BRD9: variants seen among roughly 807,000 people sequenced by gnomAD.
BRD9 encodes the protein bromodomain-containing protein 9.
In BRD9, 47 loss-of-function variants were observed where a neutral mutation model predicts 68.7. That is an observed-to-expected ratio of 0.68 (90% CI 0.54 to 0.87). The LOEUF is 0.87. Ranked by LOEUF, BRD9 falls within the 40% of genes least tolerant of loss-of-function variation. The pLI is 0.00. For missense variants in BRD9, 670 were observed against 748.4 expected (o/e 0.90, Z 1.22); for synonymous variants, 313 against 293.9 (o/e 1.06, Z -0.67).
intron 5 of BRD9, chr5:888,483 C>G (rs1255269200): frequency 6.6e-6 from 1 of 152,298 alleles, no homozygotes; most frequent in Non-Finnish European, 1.5e-5. Flanking sequence ...TAATGCCTTT[C>G]TAAACTACAC....
At position 868,566 on chromosome 5, in the gene BRD9, A is replaced by G. The variant is rs1009242652; in HGVS notation, c.1525+1907T>C. 1.3e-5 allele frequency: 2 copies of G among 152,230 alleles called. 1 individual carries two copies. The highest frequency in any genetic ancestry group is 4.1e-4 in the South Asian group (2 of 4,832). The allele number at this position is 152,230 out of a possible 1,614,324, so 9.4% of individuals were successfully genotyped here. On this transcript the variant is annotated intron_variant, in intron 14 of 15. Coordinates refer to ENST00000467963, the MANE Select transcript of BRD9 (RefSeq NM_023924.5). Reference sequence around the variant, plus strand: ...CAACAGGAGCAGAGTGGTTTATGCTAAAGTTCACCTTCCCTCCGGGGTCTG... The same window carrying G: ...CAACAGGAGCAGAGTGGTTTATGCTGAAGTTCACCTTCCCTCCGGGGTCTG...
intron 1 of BRD9, chr5:892,314 A>G: frequency 1.7e-6 from 1 of 594,562 alleles, no homozygotes; most frequent in Non-Finnish European, 2.7e-6. Context: ...CTTCTCCCTG[A>G]GCTCCACACA....
chr5:887,577 GA>G, intron 5 of BRD9, 106 bp from the exon 6 acceptor site: 1 of 859,634 alleles, frequency 1.2e-6, no homozygotes, highest in Non-Finnish European at 1.9e-6. Context: ...CAATCGAGTA[GA>G]AAACAATTCA....
rs1244183519 is a variant in BRD9, at chr5:892,767, C to G, written c.-110G>C. On this transcript the variant is annotated 5_prime_UTR_variant, in exon 1 of 16. Transcript: ENST00000467963. ...GGCTGGCCGCCCGCGCTCGCTGCGC[C>G]GAGGTTGCCGAGCTCGCTGGGCCGC... 5.3e-6 allele frequency: 6 copies of G among 1,122,268 alleles called. No individual in the cohort carries two copies. Among genetic ancestry groups the G allele is most frequent in the East Asian group, 7.0e-5 (2 of 28,506 alleles). The allele number at this position is 1,122,268 out of a possible 1,614,324, so 69.5% of individuals were successfully genotyped here.
In BRD9 at chr5:865,448, C is replaced by T. The variant is rs73730995; in HGVS notation, c.1659G>A (p.Leu553=). The change falls in exon 15 of 16, where the codon CTG becomes CTA. Residue 553 remains leucine (L), a synonymous_variant. Transcript: ENST00000467963. ...GSRPSSNLSS[L]SNASERDQHH... is the part of the protein sequence containing the mutation. ...GCTGGTCCCTCTCGGAGGCGTTGGACAGGGAGCTGAGGTTGGACGACGGCC... is the reference window on the plus strand; with the variant it reads ...GCTGGTCCCTCTCGGAGGCGTTGGATAGGGAGCTGAGGTTGGACGACGGCC... 7.8e-3 allele frequency: 12,486 copies of T among 1,594,366 alleles called. 648 individuals carry two copies. The African/African-American group carries it at 0.13, about 16-fold the overall frequency.
intron 8 of BRD9, chr5:882,337 G>A (rs956034354): frequency 2.3e-4 from 32 of 141,804 alleles, no homozygotes; most frequent in African/African-American, 4.9e-4. Flanking sequence ...GCAGACAACC[G>A]CCCAACACGT....
chr5:876,167 C>T lies in BRD9; in HGVS notation c.1317G>A (p.Val439=), dbSNP rs775663828. Residue 439 remains valine, a synonymous_variant, in exon 12 of 16, where the codon GTG becomes GTA. Transcript: ENST00000467963. ...VKDAGSYSKK[V]VDDLLDQITG... is the part of the protein sequence containing the mutation. The stretch of plus-strand genomic sequence containing the variant: ...TGATCTGGTCCAGGAGGTCGTCCAC[C>T]ACTTTCTTGCTGTAGCTCCCAGCAT... The T allele has an allele frequency of 3.1e-6, 5 of 1,613,972 alleles. No individual in the cohort carries two copies. In the East Asian group the frequency reaches 1.1e-4, roughly 36 times the overall value.
chr5:864,372 G>T lies in BRD9; in HGVS notation c.*96C>A. Reference sequence around the variant, plus strand: ...CCGCGGCTGCTTCCCGCATGCCAAAGGGGACAGGATCAAAGTCCTTGTCTG... The same window carrying T: ...CCGCGGCTGCTTCCCGCATGCCAAATGGGACAGGATCAAAGTCCTTGTCTG... On this transcript the variant is annotated 3_prime_UTR_variant, in exon 16 of 16. Coordinates refer to ENST00000467963, the MANE Select transcript of BRD9 (RefSeq NM_023924.5). The T allele has an allele frequency of 1.9e-6, 2 of 1,060,734 alleles. No individual in the cohort carries two copies. Among genetic ancestry groups the T allele is most frequent in the East Asian group, 2.7e-5 (1 of 37,654 alleles). 65.7% of individuals were successfully genotyped at this position (1,060,734 alleles called of 1,614,324 possible). A position where few individuals can be genotyped will look rare whatever the true frequency, so the allele number is the denominator to read the frequency against.
Position 887,475 on chromosome 5 carries a change from A to C in BRD9, c.607-4T>G. ...CACACATCAGCTTGAAATCTGCCTG[A>C]AAAGAAAACAGGAAAGACTTATCAG... On this transcript the variant is annotated splice_region_variant and splice_polypyrimidine_tract_variant and intron_variant, in intron 5 of 15. Coordinates refer to ENST00000467963, the MANE Select transcript of BRD9 (RefSeq NM_023924.5). 1 of 1,607,802 alleles carries C rather than the reference A, an allele frequency of 6.2e-7. No individual in the cohort carries two copies. The highest frequency in any genetic ancestry group is 1.1e-5 in the South Asian group (1 of 90,934).
At chr5:873,778 C>T (rs920613102) in intron 12 of BRD9, among the ~76,000 whole-genome samples, 5 of 152,142 alleles carry the variant, frequency 3.3e-5, no homozygotes, top group Non-Finnish European at 4.4e-5. Context: ...CAGATGAAAC[C>T]GTCAGGTCAA....
chr5:889,181 T>A lies in BRD9; in HGVS notation c.462-16A>T, dbSNP rs1306692405. 1.2e-6 allele frequency: 2 copies of A among 1,601,640 alleles called. No homozygotes were observed. The highest frequency in any genetic ancestry group is 1.8e-5 in the Admixed American group (1 of 56,574). On this transcript the variant is annotated splice_polypyrimidine_tract_variant and intron_variant, in intron 4 of 15. Transcript: ENST00000467963. ...GGGATCTTTTCTGAAAGCAAAGACA[T>A]CTTAAAGCGGAAAAATCTAGATTTC...
chr5:865,452 G>C lies in BRD9; in HGVS notation c.1655C>G (p.Ser552Cys). 6.3e-7 allele frequency: 1 copy of C among 1,597,116 alleles called. No homozygotes were observed. The highest frequency in any genetic ancestry group is 8.6e-7 in the Non-Finnish European group (1 of 1,169,314). ...GTCCCTCTCGGAGGCGTTGGACAGG[G>C]AGCTGAGGTTGGACGACGGCCGAGA... Reference protein sequence around the residue: ...GGSRPSSNLSSLSNASERDQH... With the variant: ...GGSRPSSNLSCLSNASERDQH... The change falls in exon 15 of 16, where the codon TCC (serine) becomes TGC (cysteine). Residue 552 changes from serine (S) to cysteine (C), a missense_variant. Physicochemically the swap from Ser to Cys is moderately radical, Grantham distance 112. This residue lies in a region of BRD9 where 280 missense variants were observed against 281.5 expected (regional missense o/e 0.99). Coordinates refer to ENST00000467963, the MANE Select transcript of BRD9 (RefSeq NM_023924.5).
chr5:875,598 C>G (rs754465571), intron 12 of BRD9, among the ~76,000 whole-genome samples: 1 of 152,136 alleles, frequency 6.6e-6, no homozygotes, highest in African/African-American at 2.4e-5. Context: ...CTGCCCGCCT[C>G]GGCCTCCCAA....
Position 864,386 on chromosome 5 carries a change from A to C in BRD9, c.*82T>G. ...CGCATGCCAAAGGGGACAGGATCAA[A>C]GTCCTTGTCTGATGACAAAAACTCT... On this transcript the variant is annotated 3_prime_UTR_variant, in exon 16 of 16. Coordinates refer to ENST00000467963, the MANE Select transcript of BRD9 (RefSeq NM_023924.5). 8.2e-7 allele frequency: 1 copy of C among 1,212,284 alleles called. No individual in the cohort carries two copies. Among genetic ancestry groups the C allele is most frequent in the South Asian group, 1.4e-5 (1 of 69,042 alleles). The allele number at this position is 1,212,284 out of a possible 1,614,324, so 75.1% of individuals were successfully genotyped here. A position where few individuals can be genotyped will look rare whatever the true frequency, so the allele number is the denominator to read the frequency against.
intron 14 of BRD9, chr5:866,623 G>C (rs961192816): frequency 6.6e-6 from 1 of 152,338 alleles, no homozygotes. Context: ...TTGGGAATGG[G>C]GGCAAAGGTC....
intron 4 of BRD9, 138 bp from the exon 5 acceptor site, chr5:889,303 TTG>T (rs1161647681): frequency 8.0e-6 from 8 of 1,004,594 alleles, no homozygotes; most frequent in Admixed American, 2.9e-5. Context: ...TTTTAATTTA[TTG>T]TGATAGGTAT....
Position 891,852 on chromosome 5 carries a change from A to C in BRD9, c.55T>G (p.Tyr19Asp). The change falls in exon 2 of 16, where the codon TAT (tyrosine) becomes GAT (aspartate). Residue 19 changes from tyrosine (Y) to aspartate (D), a missense_variant and splice_region_variant. Around this residue, in one of 5 missense-constraint regions of BRD9, gnomAD observed 161 missense variants for 148.1 expected, o/e 1.09. Transcript: ENST00000467963. ...GGCTTCTCCAGGGGCTTGTCGGCAT[A>C]ATCTGCACAGACACAGACCGAGTTC... ...KAEWRSSYED[Y>D]ADKPLEKPLK... 1 of 1,550,186 alleles carries C rather than the reference A, an allele frequency of 6.5e-7. No individual in the cohort carries two copies. Among genetic ancestry groups the C allele is most frequent in the Non-Finnish European group, 8.7e-7 (1 of 1,146,696 alleles).
At chr5:885,103 A>G (rs982382606) in intron 7 of BRD9, among the ~76,000 whole-genome samples, 1 of 152,222 alleles carries the variant, frequency 6.6e-6, no homozygotes, top group Non-Finnish European at 1.5e-5. Flanking sequence ...CTCAGTCACC[A>G]TGAGGCGGCA....
Position 889,061 on chromosome 5 carries a change from T to G in BRD9, c.566A>C (p.Lys189Thr). ...HPMDFGTMKD[K>T]IVANEYKSVT... ...TGACTTGTATTCATTAGCTACAATT[T>G]TGTCTTTCATGGTGCCAAAATCCAT... The change falls in exon 5 of 16, where the codon AAA becomes ACA. Residue 189 changes from lysine (K) to threonine (T), a missense_variant. Transcript: ENST00000467963. 6.2e-7 allele frequency: 1 copy of G among 1,610,342 alleles called. No individual in the cohort carries two copies. Among genetic ancestry groups the G allele is most frequent in the East Asian group, 2.2e-5 (1 of 44,852 alleles).
Sources: gnomAD v4.1 joint callset for allele counts (sites outside exome capture counted in the v4.1 genomes callset) on GRCh38, gnomAD v4.1.1 for gene constraint, gnomAD v4.1.1 regional missense constraint, MANE v1.5 for transcripts, NCBI Gene and HGNC (gene_info 2026-07-23, HGNC 2026-07-21) for gene names.